CR1: variants seen among roughly 807,000 people sequenced by gnomAD.
CR1 encodes complement receptor type 1.
A neutral mutation model predicts 187.3 loss-of-function variants in CR1; 116 were observed. The ratio of observed to expected loss-of-function variants is 0.62; its 90% confidence interval spans 0.53 to 0.72. CR1 has a LOEUF of 0.72. CR1 is among the 30% of genes least tolerant of loss of function. The pLI, the probability that CR1 is intolerant of heterozygous loss-of-function variation, is 0.00. For missense variants in CR1, 1,731 were observed against 2,110.7 expected (o/e 0.82, Z 3.52); for synonymous variants, 576 against 747.1 (o/e 0.77, Z 3.73).
At chr1:207,614,892 C>G (rs1328001528) in intron 40 of CR1, among the ~76,000 whole-genome samples, 1 of 152,158 alleles carries the variant, frequency 6.6e-6, no homozygotes, top group Non-Finnish European at 1.5e-5. Context: ...TCACTGCAGC[C>G]TCAACCTCCT....
chr1:207,514,888 A>C (rs1342744548), intron 4 of CR1, among the ~76,000 whole-genome samples: 2 of 150,320 alleles, frequency 1.3e-5, no homozygotes, highest in Non-Finnish European at 3.0e-5. Context: ...AATTCACCAG[A>C]AAAGGTATGT....
intron 24 of CR1, among the ~76,000 whole-genome samples, chr1:207,566,236 T>TG (rs1660492564): frequency 6.7e-6 from 1 of 150,048 alleles, no homozygotes; most frequent in African/African-American, 2.5e-5. Context: ...TTTTTCTTTC[T>TG]TTTTTCTCTT....
At chr1:207,508,571 C>A (rs1659518375) in intron 3 of CR1, among the ~76,000 whole-genome samples, 1 of 152,196 alleles carries the variant, frequency 6.6e-6, no homozygotes, top group Non-Finnish European at 1.5e-5. Flanking sequence ...TGAACAAAAT[C>A]TGTGGATTAT....
intron 4 of CR1, among the ~76,000 whole-genome samples, chr1:207,519,996 G>GC (rs1659925815): frequency 6.6e-6 from 1 of 152,158 alleles, no homozygotes; most frequent in Admixed American, 6.6e-5. Flanking sequence ...ACTACGTAAG[G>GC]CTTTAGGCTA....
In CR1 at chr1:207,629,497, A is replaced by G. The variant is rs185345425; in HGVS notation, c.7353-1020A>G. Among the ~76,000 whole-genome samples the G allele has an allele frequency of 1.4e-3, 210 of 152,244 alleles. 1 individual carries two copies. The highest frequency in any genetic ancestry group is 0.014 in the Middle Eastern group (4 of 294). The stretch of plus-strand genomic sequence containing the variant: ...TATACCACTCCACTCTTCCTCATCC[A>G]TGGATCTCAAGTGTGCCTTCCCTGT... On this transcript the variant is annotated intron_variant, in intron 45 of 46. Transcript: ENST00000367049.
Position 207,524,148 on chromosome 1 carries a change from T to A in CR1, c.886+139T>A. ...AATTTTCTAGGTAGTGAACATGAAA[T>A]TCAGAAGGTGTGTGTACATGCACAT... is the stretch of plus-strand genomic sequence containing the variant. On this transcript the variant is annotated intron_variant, in intron 5 of 46. Coordinates refer to ENST00000367049, the MANE Select transcript of CR1 (RefSeq NM_000651.6). 7.1e-6 allele frequency: 11 copies of A among 1,554,778 alleles called. No individual in the cohort carries two copies. The South Asian group carries it at 9.4e-5, about 13-fold the overall frequency.
At chr1:207,499,399 A>G (rs1659195742) in intron 1 of CR1, among the ~76,000 whole-genome samples, 1 of 152,242 alleles carries the variant, frequency 6.6e-6, no homozygotes, top group African/African-American at 2.4e-5. Context: ...TGGATTTACT[A>G]TCATAGTTGG....
intron 29 of CR1, among the ~76,000 whole-genome samples, chr1:207,578,595 T>C (rs377481483): frequency 1.3e-5 from 2 of 152,380 alleles, no homozygotes; most frequent in Middle Eastern, 3.4e-3. Flanking sequence ...GCTATTGTAT[T>C]ATCCATTTAA....
rs765313113 is a variant in CR1 at position 207,640,125 on chromosome 1, T to G, written c.*716T>G. ...ATTTGGAAAATAAGATTTCGATATC[T>G]TCTTTTTTTTTGAGATGGAGTCTGG... On this transcript the variant is annotated 3_prime_UTR_variant, in exon 47 of 47. Transcript: ENST00000367049. 2 of 152,190 alleles carry G rather than the reference T, an allele frequency of 1.3e-5. No homozygotes were observed. Among genetic ancestry groups the G allele is most frequent in the Non-Finnish European group, 2.9e-5 (2 of 68,030 alleles). 9.4% of individuals were successfully genotyped at this position (152,190 alleles called of 1,614,324 possible).
At chr1:207,588,834 C>G (rs146609866) in intron 35 of CR1, 60 bp downstream of exon 35, 1 of 1,204,632 alleles carries the variant, frequency 8.3e-7, no homozygotes, top group Admixed American at 2.2e-5. Context: ...CAACTTCTGA[C>G]CCAGTCTCAG....
Position 207,618,185 on chromosome 1 carries a change from G to T in CR1, c.7004G>T (p.Gly2335Val), listed in dbSNP as rs1325557606. Reference sequence around the variant, plus strand: ...TGTGACCCCGGCTACCTGTTAGTGGGAAAGGGCTTCATTTTCTGTACAGAC... The same window carrying T: ...TGTGACCCCGGCTACCTGTTAGTGGTAAAGGGCTTCATTTTCTGTACAGAC... ...YICDPGYLLV[G>V]KGFIFCTDQG... The change falls in exon 42 of 47, where the codon GGA becomes GTA. Residue 2335 changes from glycine to valine, a missense_variant. Gly to Val is a moderately radical substitution (Grantham distance 109). This residue lies in a region of CR1 where 1,312 missense variants were observed against 1,379.6 expected (regional missense o/e 0.95). Transcript: ENST00000367049. 1 of 1,613,694 alleles carries T rather than the reference G, an allele frequency of 6.2e-7. No individual in the cohort carries two copies. The highest frequency in any genetic ancestry group is 1.7e-5 in the Admixed American group (1 of 59,996).
Position 207,519,495 on chromosome 1 carries a change from T to C in CR1, c.488-4116T>C, listed in dbSNP as rs1038522823. 1.3e-5 allele frequency among the ~76,000 whole-genome samples: 2 copies of C among 152,194 alleles called. 1 individual carries two copies. Among genetic ancestry groups the C allele is most frequent in the Non-Finnish European group, 2.9e-5 (2 of 68,038 alleles). ...TATTCTTAAATGACTACTCTAGAGA[T>C]AGACATCCTTGATTTACTATAGTCT... On this transcript the variant is annotated intron_variant, in intron 4 of 46. Transcript: ENST00000367049.
intron 23 of CR1, 93 bp downstream of exon 23, chr1:207,564,327 C>T: frequency 2.7e-6 from 2 of 730,248 alleles, no homozygotes; most frequent in Middle Eastern, 5.5e-4. Context: ...AAAAGAAAGA[C>T]ACACACACAC....
At chr1:207,584,990 G>A (rs2102349753) in intron 33 of CR1, 114 bp downstream of exon 33, 1 of 1,480,238 alleles carries the variant, frequency 6.8e-7, no homozygotes, top group Non-Finnish European at 9.1e-7. Context: ...TGTCATAAGT[G>A]TAAATGTCAA....
intron 35 of CR1, among the ~76,000 whole-genome samples, chr1:207,605,325 T>G (rs1661716903): frequency 7.2e-6 from 1 of 139,082 alleles, no homozygotes; most frequent in African/African-American, 2.9e-5. Flanking sequence ...GAGTAGATTT[T>G]AAATATTCTC....
At chr1:207,507,986 G>A (rs539340373) in intron 3 of CR1, among the ~76,000 whole-genome samples, 2 of 152,314 alleles carry the variant, frequency 1.3e-5, no homozygotes, top group East Asian at 3.9e-4. Context: ...AAGAGACATA[G>A]AGGAACCTTA....
chr1:207,618,251 A>G lies in CR1; in HGVS notation c.7066+4A>G. On this transcript the variant is annotated splice_donor_region_variant and intron_variant, in intron 42 of 46. Transcript: ENST00000367049. ...CAATTGGATCATTATTGCAAAGGTG[A>G]CTTATTTCTTGGTATTCCTTATTCT... 1 of 1,612,448 alleles carries G rather than the reference A, an allele frequency of 6.2e-7. No individual in the cohort carries two copies. The highest frequency in any genetic ancestry group is 8.5e-7 in the Non-Finnish European group (1 of 1,179,056).
intron 45 of CR1, among the ~76,000 whole-genome samples, chr1:207,623,992 C>A (rs1385245946): frequency 7.8e-6 from 1 of 127,890 alleles, no homozygotes; most frequent in Non-Finnish European, 1.6e-5. Context: ...GTGGCACGAT[C>A]TTGGCTCACT....
rs183804244 is a variant in CR1, at chr1:207,599,162, G to A, written c.5811-8089G>A. On this transcript the variant is annotated intron_variant, in intron 35 of 46. Transcript: ENST00000367049. Reference sequence around the variant, plus strand: ...ACAGTAGATAAGCAATAGACAACCCGATATAAAAATGAGGAAAGAATATGC... The same window carrying A: ...ACAGTAGATAAGCAATAGACAACCCAATATAAAAATGAGGAAAGAATATGC... Among the ~76,000 whole-genome samples, 89 of 152,226 alleles carry A rather than the reference G, an allele frequency of 5.8e-4. 2 individuals are homozygous for A. Among genetic ancestry groups the A allele is most frequent in the African/African-American group, 2.0e-3 (84 of 41,530 alleles).
Sources: gnomAD v4.1 joint callset for allele counts (sites outside exome capture counted in the v4.1 genomes callset) on GRCh38, gnomAD v4.1.1 for gene constraint, gnomAD v4.1.1 regional missense constraint, MANE v1.5 for transcripts, NCBI Gene and HGNC (gene_info 2026-07-23, HGNC 2026-07-21) for gene names.